The following EYS variants were observed in gnomAD, a reference collection of about 807,000 sequenced individuals.
EYS encodes EGF-like photoreceptor maintenance factor.
A neutral mutation model predicts 282.1 loss-of-function variants in EYS; 250 were observed. The observed-to-expected ratio is 0.89, with a 90% confidence interval of 0.80 to 0.98. The LOEUF is 0.98. Among genes scored for constraint, EYS ranks in the 50% least tolerant of loss-of-function variants. The pLI, the probability that EYS is intolerant of heterozygous loss-of-function variation, is 0.00. For synonymous variants in EYS, 1,355 were observed against 1,282.9 expected (o/e 1.06, Z -1.20); for missense variants, 4,016 against 3,709.0 (o/e 1.08, Z -2.15).
chr6:65,602,650 G>A (rs1166250633), intron 2 of EYS, among the ~76,000 whole-genome samples: 3 of 151,854 alleles, frequency 2.0e-5, no homozygotes, highest in African/African-American at 7.2e-5. Flanking sequence ...AAATAAAAAA[G>A]ACAAAAACTA....
chr6:64,882,875 G>A (rs1414336674), intron 19 of EYS, among the ~76,000 whole-genome samples: 3 of 151,460 alleles, frequency 2.0e-5, no homozygotes, highest in African/African-American at 4.8e-5. Context: ...CTCCTCAGAC[G>A]AACTGATAAT....
intron 33 of EYS, among the ~76,000 whole-genome samples, chr6:64,046,336 T>C (rs1404288948): frequency 6.6e-6 from 1 of 151,986 alleles, no homozygotes; most frequent in African/African-American, 2.4e-5. Context: ...ATGTCTCCTG[T>C]CCGTATCTAT....
At chr6:65,133,309 A>C (rs998898672) in intron 12 of EYS, among the ~76,000 whole-genome samples, 2 of 151,930 alleles carry the variant, frequency 1.3e-5, no homozygotes, top group Non-Finnish European at 2.9e-5. Context: ...ACAACAAAAA[A>C]CACCAAACAA....
In EYS at chr6:64,884,627, A is replaced by T. The variant is rs1339111459; in HGVS notation, c.2992+2070T>A. 2.6e-5 allele frequency among the ~76,000 whole-genome samples: 4 copies of T among 151,522 alleles called. No individual in the cohort carries two copies. The East Asian group carries it at 5.8e-4, about 22-fold the overall frequency. ...AATAAATGCTATTAAGTGTCTGAGA[A>T]TAAGAAAAAGCTTTATCTGTCCATG... On this transcript the variant is annotated intron_variant, in intron 19 of 42. Coordinates refer to ENST00000503581, the MANE Select transcript of EYS (RefSeq NM_001142800.2).
intron 12 of EYS, among the ~76,000 whole-genome samples, chr6:65,193,041 G>A (rs1021592919): frequency 3.3e-5 from 5 of 151,906 alleles, no homozygotes; most frequent in Middle Eastern, 6.8e-3. Context: ...GATAGAACTG[G>A]AGGTCATTAA....
intron 29 of EYS, among the ~76,000 whole-genome samples, chr6:64,346,152 C>G (rs889510946): frequency 3.9e-5 from 6 of 152,068 alleles, no homozygotes; most frequent in Non-Finnish European, 8.8e-5. Flanking sequence ...GGTGGTTCCT[C>G]AGGGATCTAG....
At chr6:65,218,132 C>G (rs1024519361) in intron 12 of EYS, among the ~76,000 whole-genome samples, 1 of 151,978 alleles carries the variant, frequency 6.6e-6, no homozygotes. Flanking sequence ...AAACAAGTAT[C>G]TTAATATTTT....
At chr6:64,171,855 G>A (rs1764490885) in intron 31 of EYS, among the ~76,000 whole-genome samples, 1 of 152,118 alleles carries the variant, frequency 6.6e-6, no homozygotes, top group African/African-American at 2.4e-5. Context: ...CATCTGACCT[G>A]CACAGCCGGG....
In EYS at chr6:64,590,842, A is replaced by G. The variant is rs995130689; in HGVS notation, c.5025T>C (p.Ser1675=). Residue 1675 remains serine, a synonymous_variant, in exon 26 of 43, where the codon TCT becomes TCC. Transcript: ENST00000503581. The stretch of plus-strand genomic sequence containing the variant: ...TCAAATCAGAATTCATCAAGTCTGA[A>G]GAGATAGTTTGTGAAGGGACAATGG... ...CLSIVPSQTI[S]SDLMNSDLTS... is the part of the protein sequence containing the mutation. 3.9e-5 allele frequency: 61 copies of G among 1,550,292 alleles called. No individual in the cohort carries two copies. In the Admixed American group the frequency reaches 5.5e-4, roughly 14 times the overall value.
chr6:64,682,697 A>C (rs556131931), intron 22 of EYS, among the ~76,000 whole-genome samples: 1 of 152,206 alleles, frequency 6.6e-6, no homozygotes, highest in Admixed American at 6.5e-5. Flanking sequence ...GAAAGAAGAC[A>C]GTCTGTGAAG....
chr6:65,220,347 AATG>A (rs1362610403), intron 12 of EYS, among the ~76,000 whole-genome samples: 1 of 152,120 alleles, frequency 6.6e-6, no homozygotes, highest in Non-Finnish European at 1.5e-5. Context: ...TGTGATGATA[AATG>A]ATAATATGGC....
intron 5 of EYS, among the ~76,000 whole-genome samples, chr6:65,442,915 T>C (rs149839555): frequency 2.8e-5 from 3 of 107,558 alleles, no homozygotes; most frequent in Non-Finnish European, 7.1e-5. Flanking sequence ...TACATGCACA[T>C]ACATATGTAC....
At chr6:64,256,783 T>C (rs1245448155) in intron 30 of EYS, among the ~76,000 whole-genome samples, 1 of 152,036 alleles carries the variant, frequency 6.6e-6, no homozygotes, top group Non-Finnish European at 1.5e-5. Context: ...TGACCTACCA[T>C]TTATGAGCTT....
intron 12 of EYS, among the ~76,000 whole-genome samples, chr6:65,187,262 CAA>C (rs1765537441): frequency 6.6e-6 from 1 of 151,560 alleles, no homozygotes; most frequent in Admixed American, 6.6e-5. Flanking sequence ...GACCTTCAAA[CAA>C]GAGAAAAAGC....
chr6:64,865,288 C>G (rs994886745), intron 19 of EYS, among the ~76,000 whole-genome samples: 1 of 151,838 alleles, frequency 6.6e-6, no homozygotes, highest in Non-Finnish European at 1.5e-5. Context: ...ATGGTAAGTA[C>G]TGTTAAGAAA....
intron 12 of EYS, among the ~76,000 whole-genome samples, chr6:65,220,388 A>C (rs969367851): frequency 3.7e-4 from 57 of 152,104 alleles, no homozygotes; most frequent in Admixed American, 2.7e-3. Flanking sequence ...TAATTGAAAC[A>C]TGAGGGCATG....
intron 22 of EYS, among the ~76,000 whole-genome samples, chr6:64,790,632 A>G (rs1045191032): frequency 1.3e-5 from 2 of 151,956 alleles, no homozygotes; most frequent in Non-Finnish European, 2.9e-5. Context: ...TAGATTTTAA[A>G]TAAGAGTAAA....
At chr6:64,469,761 G>T (rs1404232022) in intron 26 of EYS, among the ~76,000 whole-genome samples, 2 of 152,026 alleles carry the variant, frequency 1.3e-5, no homozygotes, top group African/African-American at 4.8e-5. Context: ...CTCTTGTGGA[G>T]GGCCTGACAT....
In EYS at chr6:64,314,774, G is replaced by A. The variant is rs576045293; in HGVS notation, c.6079-7692C>T. 1.2e-4 allele frequency among the ~76,000 whole-genome samples: 19 copies of A among 152,308 alleles called. No homozygotes were observed. In the East Asian group the frequency reaches 2.3e-3, roughly 19 times the overall value. ...GAATCTCTGGGACACATTTAAAGCA[G>A]TGTGTAGAGGGAAATTTATAGCAAT... On this transcript the variant is annotated intron_variant, in intron 29 of 42. Coordinates refer to ENST00000503581, the MANE Select transcript of EYS (RefSeq NM_001142800.2).
Sources: gnomAD v4.1 joint callset for allele counts (sites outside exome capture counted in the v4.1 genomes callset) on GRCh38, gnomAD v4.1.1 for gene constraint, MANE v1.5 for transcripts, NCBI Gene and HGNC (gene_info 2026-07-23, HGNC 2026-07-21) for gene names.